Variants in CX3CR1 observed in about 807,000 individuals in gnomAD.
The protein encoded by CX3CR1 is CX3C chemokine receptor 1.
For synonymous variants in CX3CR1, 168 were observed against 178.5 expected, an observed-to-expected ratio of 0.94 and a Z score of 0.47; for missense variants, 363 against 432.4, an observed-to-expected ratio of 0.84 and a Z score of 1.42.
In CX3CR1 at chr3:39,266,399, G is replaced by C. The variant is rs1230064356; in HGVS notation, c.111C>G (p.Phe37Leu). The C allele has an allele frequency of 6.2e-7, 1 of 1,614,084 alleles. No individual in the cohort carries two copies. The highest frequency in any genetic ancestry group is 1.3e-5 in the African/African-American group (1 of 74,930). The change falls in exon 2 of 2, where the codon TTC (phenylalanine) becomes TTG (leucine). Residue 37 changes from phenylalanine (F) to leucine (L), a missense_variant. By Grantham distance (22) the Phe-to-Leu change is conservative. Transcript: ENST00000399220. ...GGCCAATGGCAAAGATGACGGAGTA[G>C]AATATGGACAGGAACACAGTCCCAA... ...VVFGTVFLSI[F>L]YSVIFAIGLV... is the part of the protein sequence containing the mutation.
chr3:39,289,662 A>T, the CX3CR1 span, among the ~76,000 whole-genome samples: 1 of 151,134 alleles, frequency 6.6e-6, no homozygotes, highest in Non-Finnish European at 1.5e-5. Flanking sequence ...TGTTTCCCCC[A>T]ACTCCCATTC....
At chr3:39,270,066 G>A (rs953699595) in intron 1 of CX3CR1, among the ~76,000 whole-genome samples, 3 of 152,230 alleles carry the variant, frequency 2.0e-5, no homozygotes, top group Admixed American at 6.5e-5. Context: ...CAGGACTGAG[G>A]CCAAGGCCTG....
At chr3:39,291,695 C>G in the CX3CR1 span, among the ~76,000 whole-genome samples, 5 of 152,192 alleles carry the variant, frequency 3.3e-5, no homozygotes, top group African/African-American at 1.2e-4. Flanking sequence ...AAAGCACTCC[C>G]ACAGGCACCA....
the CX3CR1 span, among the ~76,000 whole-genome samples, chr3:39,290,794 G>T: frequency 6.6e-6 from 1 of 151,910 alleles, no homozygotes; most frequent in African/African-American, 2.4e-5. Flanking sequence ...GGTGGTGGGC[G>T]CCTGTAATCC....
intron 1 of CX3CR1, among the ~76,000 whole-genome samples, chr3:39,271,036 G>A (rs1652590058): frequency 6.6e-6 from 1 of 152,180 alleles, no homozygotes; most frequent in South Asian, 2.1e-4. Context: ...GCCCAGATGT[G>A]TTCGGCCTCA....
upstream of CX3CR1, among the ~76,000 whole-genome samples, chr3:39,283,531 C>T (rs918224619): frequency 1.3e-5 from 2 of 151,746 alleles, no homozygotes; most frequent in Non-Finnish European, 1.5e-5. Context: ...CCTGTAATTC[C>T]AGCACTTTGG....
chr3:39,267,155 C>CT (rs1431832786), intron 1 of CX3CR1, among the ~76,000 whole-genome samples: 2 of 151,312 alleles, frequency 1.3e-5, no homozygotes, highest in Non-Finnish European at 2.9e-5. Flanking sequence ...CAAAAGCTAG[C>CT]TAGTTTGACC....
chr3:39,271,167 G>C (rs1308606034), intron 1 of CX3CR1, among the ~76,000 whole-genome samples: 1 of 152,142 alleles, frequency 6.6e-6, no homozygotes, highest in Admixed American at 6.5e-5. Context: ...CAGAAGGCCT[G>C]GTACACAGCG....
chr3:39,276,847 T>C (rs545309870), intron 1 of CX3CR1, among the ~76,000 whole-genome samples: 1 of 152,252 alleles, frequency 6.6e-6, no homozygotes, highest in South Asian at 2.1e-4. Flanking sequence ...AGTCAAACTA[T>C]AGGGAAAAGC....
At chr3:39,289,863 G>A in the CX3CR1 span, among the ~76,000 whole-genome samples, 1 of 152,136 alleles carries the variant, frequency 6.6e-6, no homozygotes, top group African/African-American at 2.4e-5. Flanking sequence ...CAAGGAGTGA[G>A]GCCTCAGGAG....
In CX3CR1 at chr3:39,264,207, C is replaced by T. The variant is rs1409514284; in HGVS notation, c.*1235G>A. On this transcript the variant is annotated 3_prime_UTR_variant, in exon 2 of 2. Coordinates refer to ENST00000399220, the MANE Select transcript of CX3CR1 (RefSeq NM_001337.4). Reference sequence around the variant, plus strand: ...GTCTGGGCTATGCCACGCAGCAGCACCTGCAGGCTCTTCCAAGCTTTGTCA... The same window carrying T: ...GTCTGGGCTATGCCACGCAGCAGCATCTGCAGGCTCTTCCAAGCTTTGTCA... 6.6e-6 allele frequency: 1 copy of T among 152,422 alleles called. No homozygotes were observed. Among genetic ancestry groups the T allele is most frequent in the South Asian group, 2.1e-4 (1 of 4,828 alleles). The allele number at this position is 152,422 out of a possible 1,614,324, so 9.4% of individuals were successfully genotyped here.
chr3:39,280,345 G>C (rs2040881241), upstream of CX3CR1: 2 of 985,400 alleles, frequency 2.0e-6, no homozygotes, highest in South Asian at 9.4e-5. Context: ...GAAGCTGGGA[G>C]AGCTCATGGG....
upstream of CX3CR1, among the ~76,000 whole-genome samples, chr3:39,285,056 G>A (rs1455687245): frequency 6.6e-6 from 1 of 152,100 alleles, no homozygotes; most frequent in African/African-American, 2.4e-5. Flanking sequence ...CCTCTAAGAG[G>A]AGAAAAGATC....
intron 1 of CX3CR1, among the ~76,000 whole-genome samples, chr3:39,268,811 C>G (rs2040736554): frequency 6.6e-6 from 1 of 152,180 alleles, no homozygotes; most frequent in African/African-American, 2.4e-5. Flanking sequence ...CATGCCTGCC[C>G]ACAGAACTGT....
chr3:39,281,368 T>A, upstream of CX3CR1: 1 of 765,532 alleles, frequency 1.3e-6, no homozygotes, highest in Non-Finnish European at 1.8e-6. Context: ...TCAGCTGGGC[T>A]GGCTGCCTCA....
At chr3:39,280,219 C>T (rs35500272), upstream of CX3CR1, 109,949 of 985,512 alleles carry the variant, frequency 0.11, 6,402 homozygotes, top group African/African-American at 0.19. Context: ...GGGAAGACTG[C>T]GGAGCTGGAG....
the CX3CR1 span, chr3:39,286,847 C>A: frequency 6.6e-6 from 1 of 152,192 alleles, no homozygotes; most frequent in Non-Finnish European, 1.5e-5. Context: ...TTTACCTGAA[C>A]TGAAACTTGT....
At chr3:39,273,706 A>G (rs1424372543) in intron 1 of CX3CR1, among the ~76,000 whole-genome samples, 1 of 152,172 alleles carries the variant, frequency 6.6e-6, no homozygotes, top group Non-Finnish European at 1.5e-5. Flanking sequence ...TGGCATGATC[A>G]TAGCTCACTA....
At chr3:39,283,838 T>TATATATATAA (rs2040927425), upstream of CX3CR1, among the ~76,000 whole-genome samples, 1 of 114,084 alleles carries the variant, frequency 8.8e-6, no homozygotes, top group Non-Finnish European at 1.8e-5. Flanking sequence ...TATATATATA[T>TATATATATAA]ATAATGTGGT....
Sources: allele counts gnomAD v4.1 joint callset (sites outside exome capture counted in the v4.1 genomes callset), GRCh38; gene constraint gnomAD v4.1.1; transcripts MANE v1.5; gene names NCBI Gene and HGNC (gene_info 2026-07-23, HGNC 2026-07-21).